Variants in SCEL observed in about 807,000 individuals in gnomAD.
SCEL encodes the protein sciellin.
In SCEL, 113 loss-of-function variants were observed where a neutral mutation model predicts 117.6. That is an observed-to-expected ratio of 0.96 (90% confidence interval 0.83 to 1.12). SCEL has a LOEUF of 1.12. SCEL is among the 50% of genes most tolerant of loss of function. The pLI, the probability that SCEL is intolerant of heterozygous loss-of-function variation, is 0.00. For missense variants in SCEL, 785 were observed against 810.8 expected (o/e 0.97, Z 0.39); for synonymous variants, 270 against 256.2 (o/e 1.05, Z -0.51).
Position 77,571,335 on chromosome 13 carries a change from C to G in SCEL, c.480-789C>G, listed in dbSNP as rs1404747855. On this transcript the variant is annotated intron_variant, in intron 8 of 32. Transcript: ENST00000349847. ...GGCGGAGCTTGCAGTGAGCCGAGAT[C>G]GCGCCACTGCACTCCAGCCTGGGAG... is the stretch of plus-strand genomic sequence containing the variant. 2.1e-5 allele frequency among the ~76,000 whole-genome samples: 3 copies of G among 144,698 alleles called. No individual in the cohort carries two copies. In the East Asian group the frequency reaches 6.1e-4, roughly 29 times the overall value. 94.9% of individuals were successfully genotyped at this position (144,698 alleles called of 152,430 possible). A position where few individuals can be genotyped will look rare whatever the true frequency, so the allele number is the denominator to read the frequency against.
chr13:77,624,010 G>C (rs776675323), intron 27 of SCEL, among the ~76,000 whole-genome samples: 87 of 152,026 alleles, frequency 5.7e-4, no homozygotes, highest in Middle Eastern at 3.4e-3. Flanking sequence ...AGCAGGGTTG[G>C]TTCCTTCCAC....
intron 1 of SCEL, among the ~76,000 whole-genome samples, chr13:77,541,726 T>C (rs951916520): frequency 2.0e-5 from 3 of 152,250 alleles, no homozygotes; most frequent in Non-Finnish European, 4.4e-5. Flanking sequence ...CCTTTCTTTA[T>C]GCTTTCTTGT....
Position 77,555,859 on chromosome 13 carries a change from C to T in SCEL, c.-17C>T. ...TCTATTTCCCATTTTTCTTTTAGGT[C>T]CTTACTGGAAGGCAGCATGTCCAAT... is the stretch of plus-strand genomic sequence containing the variant. On this transcript the variant is annotated splice_region_variant and 5_prime_UTR_variant, in exon 2 of 33. Transcript: ENST00000349847. The T allele has an allele frequency of 3.1e-6, 5 of 1,608,752 alleles. No individual in the cohort carries two copies. Among genetic ancestry groups the T allele is most frequent in the Non-Finnish European group, 4.3e-6 (5 of 1,175,418 alleles).
rs1284293670 is a variant in SCEL, at chr13:77,617,626, G to A, written c.1479G>A (p.Lys493=). 10 of 1,597,292 alleles carry A rather than the reference G, an allele frequency of 6.3e-6. No individual in the cohort carries two copies. The highest frequency in any genetic ancestry group is 8.5e-6 in the Non-Finnish European group (10 of 1,170,114). ...AACAAGATCTTGATAAACTCATCAA[G>A]GTGAATCCTGAAATTTTCACAAACA... The part of the protein sequence containing the change: ...DGKQDLDKLI[K]VNPEIFTNNQ... Residue 493 remains lysine (K), a synonymous_variant, in exon 25 of 33, where the codon AAG becomes AAA. Coordinates refer to ENST00000349847, the MANE Select transcript of SCEL (RefSeq NM_144777.3).
rs1442367270 is a variant in SCEL at position 77,604,373 on chromosome 13, G to A, written c.1115G>A (p.Gly372Glu). Residue 372 changes from glycine (G) to glutamate (E), a missense_variant, in exon 19 of 33, where the codon GGG becomes GAG. Coordinates refer to ENST00000349847, the MANE Select transcript of SCEL (RefSeq NM_144777.3). ...ENTTGKKDLD[G>E]LIKVDPETNK... ...TTTCAAAGAAAAAAAGACCTTGATG[G>A]GCTTATTAAAGTGGATCCTGAAACA... 3.2e-6 allele frequency: 5 copies of A among 1,574,848 alleles called. No homozygotes were observed. Among genetic ancestry groups the A allele is most frequent in the South Asian group, 1.2e-5 (1 of 83,690 alleles).
In SCEL at chr13:77,567,673, T is replaced by C. The variant is rs1344038290; in HGVS notation, c.291-7T>C. On this transcript the variant is annotated splice_region_variant and splice_polypyrimidine_tract_variant and intron_variant, in intron 5 of 32. Transcript: ENST00000349847. ...TATCCAGACTTTTGTCTTGTTTCTT[T>C]ATAAAGGATCTCAGACAGAAATGAT... 6.2e-7 allele frequency: 1 copy of C among 1,601,632 alleles called. No individual in the cohort carries two copies. The highest frequency in any genetic ancestry group is 8.5e-7 in the Non-Finnish European group (1 of 1,172,350).
chr13:77,611,217 G>A (rs1240442603), intron 22 of SCEL, among the ~76,000 whole-genome samples: 1 of 152,176 alleles, frequency 6.6e-6, no homozygotes, highest in Non-Finnish European at 1.5e-5. Flanking sequence ...TGTGAAAGCA[G>A]CCATAAGTAC....
At chr13:77,579,844 C>A (rs2086169765) in intron 9 of SCEL, among the ~76,000 whole-genome samples, 1 of 151,968 alleles carries the variant, frequency 6.6e-6, no homozygotes, top group Admixed American at 6.6e-5. Flanking sequence ...GCATTCCAGG[C>A]AGAAAGGAGA....
chr13:77,546,097 C>T (rs760241706), intron 1 of SCEL, among the ~76,000 whole-genome samples: 14 of 152,284 alleles, frequency 9.2e-5, no homozygotes, highest in Middle Eastern at 3.4e-3. Context: ...AGTCAGGAAC[C>T]ATGTCAGGCC....
At chr13:77,638,212 T>TG (rs1410036775) in intron 30 of SCEL, among the ~76,000 whole-genome samples, 1 of 152,238 alleles carries the variant, frequency 6.6e-6, no homozygotes, top group Non-Finnish European at 1.5e-5. Flanking sequence ...AAGGGAAACA[T>TG]GGGTGAACCA....
chr13:77,599,577 T>TG, intron 14 of SCEL, 112 bp from the exon 15 acceptor site: 1 of 934,270 alleles, frequency 1.1e-6, no homozygotes, highest in East Asian at 2.4e-5. Context: ...TTCCATTCAA[T>TG]AAGAGTAAAT....
chr13:77,591,080 A>G (rs1425803947), intron 10 of SCEL, among the ~76,000 whole-genome samples: 1 of 152,174 alleles, frequency 6.6e-6, no homozygotes, highest in Non-Finnish European at 1.5e-5. Flanking sequence ...TTAAAATGTT[A>G]TATCATTATC....
chr13:77,591,438 A>G lies in SCEL; in HGVS notation c.670A>G (p.Arg224Gly). ...ACCAGGTGTATATACAGAAACCAACAGATCTGCTGAAAGAAATATAAGGTA... is the reference window on the plus strand; with the variant it reads ...ACCAGGTGTATATACAGAAACCAACGGATCTGCTGAAAGAAATATAAGGTA... ...PKPGVYTETN[R>G]SAERNIRSQD... The change falls in exon 11 of 33, where the codon AGA becomes GGA. Residue 224 changes from arginine to glycine, a missense_variant. By Grantham distance (125) the Arg-to-Gly change is moderately radical (BLOSUM62 -2). Transcript: ENST00000349847. 6.3e-7 allele frequency: 1 copy of G among 1,581,894 alleles called. No homozygotes were observed. Among genetic ancestry groups the G allele is most frequent in the Non-Finnish European group, 8.7e-7 (1 of 1,152,170 alleles).
chr13:77,556,317 C>T (rs1287638151), intron 2 of SCEL, among the ~76,000 whole-genome samples: 1 of 152,078 alleles, frequency 6.6e-6, no homozygotes, highest in African/African-American at 2.4e-5. Flanking sequence ...TCAGTTTATC[C>T]CAGGCTGGGA....
intron 1 of SCEL, among the ~76,000 whole-genome samples, chr13:77,546,468 A>G (rs1404616617): frequency 6.6e-6 from 1 of 152,212 alleles, no homozygotes; most frequent in East Asian, 1.9e-4. Flanking sequence ...GGATTAAATA[A>G]GATAATGTGC....
chr13:77,555,735 T>C (rs1415307643), intron 1 of SCEL, 122 bp from the exon 2 acceptor site: 1 of 661,656 alleles, frequency 1.5e-6, no homozygotes, highest in African/African-American at 1.8e-5. Context: ...GTCATGCATT[T>C]GTTATGACAG....
chr13:77,592,859 C>A (rs951568472), intron 11 of SCEL, among the ~76,000 whole-genome samples: 1 of 152,074 alleles, frequency 6.6e-6, no homozygotes, highest in Non-Finnish European at 1.5e-5. Flanking sequence ...ACCACCACAC[C>A]CAGCCCACAG....
intron 9 of SCEL, 58 bp from the exon 10 acceptor site, chr13:77,589,086 G>C: frequency 7.9e-7 from 1 of 1,260,254 alleles, no homozygotes; most frequent in Non-Finnish European, 1.2e-6. Flanking sequence ...TCAGTTAATA[G>C]ATGCTAAAAT....
chr13:77,610,139 C>CTT (rs558936912), intron 22 of SCEL, 33 bp downstream of exon 22: 23 of 1,444,446 alleles, frequency 1.6e-5, no homozygotes, highest in East Asian at 1.2e-4. Context: ...TTTCTCCCCC[C>CTT]TTTTTTTTTC....
Sources: allele counts gnomAD v4.1 joint callset (sites outside exome capture counted in the v4.1 genomes callset), GRCh38; gene constraint gnomAD v4.1.1; transcripts MANE v1.5; gene names NCBI Gene and HGNC (gene_info 2026-07-23, HGNC 2026-07-21).